Variants in LRP1B observed in about 807,000 individuals in gnomAD.
LRP1B encodes LDL receptor related protein 1B.
LRP1B carries 217 observed loss-of-function variants against 556.6 expected under a neutral mutation model. That is an observed-to-expected ratio of 0.39 (90% CI 0.35 to 0.44). The LOEUF (loss-of-function observed/expected upper bound fraction) is 0.44, where lower values mean the gene tolerates loss of function less well. Ranked by LOEUF, LRP1B falls within the 20% of genes least tolerant of loss-of-function variation. LRP1B has a pLI of 1.00. For synonymous variants in LRP1B, 2,047 were observed against 1,865.8 expected (o/e 1.10, Z -2.50); for missense variants, 5,053 against 5,620.8 (o/e 0.90, Z 3.23).
intron 43 of LRP1B, among the ~76,000 whole-genome samples, chr2:140,550,454 G>A (rs1022273554): frequency 6.6e-6 from 1 of 152,140 alleles, no homozygotes; most frequent in Admixed American, 6.6e-5. Flanking sequence ...AAAGGAAAAT[G>A]TCTACCTTTA....
intron 11 of LRP1B, among the ~76,000 whole-genome samples, chr2:141,021,947 G>A (rs916075935): frequency 6.6e-6 from 1 of 151,704 alleles, no homozygotes; most frequent in Non-Finnish European, 1.5e-5. Flanking sequence ...AATTTATCAG[G>A]ATTAAAAAAT....
At chr2:142,130,501 C>T in intron 1 of LRP1B, 147 bp downstream of exon 1, 2 of 654,934 alleles carry the variant, frequency 3.1e-6, no homozygotes, top group Non-Finnish European at 5.3e-6. Flanking sequence ...ACCTCTCACC[C>T]CCGCACAGGG....
intron 1 of LRP1B, among the ~76,000 whole-genome samples, chr2:141,942,187 C>A (rs1454494786): frequency 6.6e-6 from 1 of 152,008 alleles, no homozygotes; most frequent in Non-Finnish European, 1.5e-5. Context: ...TCTCCTCAAC[C>A]AACCTCCTCA....
chr2:140,882,979 C>G (rs906830839), intron 25 of LRP1B, among the ~76,000 whole-genome samples: 9 of 152,128 alleles, frequency 5.9e-5, no homozygotes, highest in African/African-American at 2.2e-4. Flanking sequence ...TCAAAATCAA[C>G]AGGAATAACA....
At chr2:141,905,819 A>G (rs566932528) in intron 1 of LRP1B, among the ~76,000 whole-genome samples, 1 of 129,806 alleles carries the variant, frequency 7.7e-6, no homozygotes, top group Admixed American at 7.9e-5. Flanking sequence ...AGGTGTGTAT[A>G]AACATCTCTA....
chr2:140,791,551 G>C (rs1314944110), intron 32 of LRP1B, among the ~76,000 whole-genome samples: 5 of 152,162 alleles, frequency 3.3e-5, no homozygotes, highest in African/African-American at 1.2e-4. Context: ...ATGTTATTTT[G>C]TCCTGATAGA....
At chr2:140,644,559 G>A (rs986935752) in intron 41 of LRP1B, among the ~76,000 whole-genome samples, 35 of 151,792 alleles carry the variant, frequency 2.3e-4, no homozygotes, top group African/African-American at 8.2e-4. Context: ...CACCATGCCT[G>A]GCTAATTTTT....
intron 66 of LRP1B, among the ~76,000 whole-genome samples, chr2:140,425,233 T>C (rs181204587): frequency 5.6e-4 from 85 of 152,316 alleles, no homozygotes; most frequent in Admixed American, 9.2e-4. Context: ...TTTAAGACTA[T>C]TGAAATACAT....
intron 3 of LRP1B, among the ~76,000 whole-genome samples, chr2:141,314,384 T>C (rs1686918789): frequency 6.6e-6 from 1 of 152,218 alleles, no homozygotes. Context: ...ACATTTTGTT[T>C]AAGATGTGTA....
chr2:141,735,870 T>C (rs539953042), intron 2 of LRP1B, among the ~76,000 whole-genome samples: 33 of 152,170 alleles, frequency 2.2e-4, no homozygotes, highest in Admixed American at 5.2e-4. Flanking sequence ...AGGAGCTGTT[T>C]GAAAAAAAGG....
At chr2:141,357,724 G>A (rs548954133) in intron 3 of LRP1B, among the ~76,000 whole-genome samples, 1 of 152,096 alleles carries the variant, frequency 6.6e-6, no homozygotes, top group East Asian at 1.9e-4. Context: ...AGCAATAGAG[G>A]GTAAATTAAT....
In LRP1B at chr2:140,576,969, CT is replaced by C. The variant is rs199605340; in HGVS notation, c.7194+21661del. 5.4e-3 allele frequency among the ~76,000 whole-genome samples: 822 copies of C among 151,850 alleles called. 9 individuals carry two copies. Among genetic ancestry groups the C allele is most frequent in the Admixed American group, 8.6e-3 (131 of 15,228 alleles). On this transcript the variant is annotated intron_variant, in intron 43 of 90. Coordinates refer to ENST00000389484, the MANE Select transcript of LRP1B (RefSeq NM_018557.3). ...TTGTTTCTTTTAATTAAACTGATTC[CT>C]TTTTTTTCAATGTAAGAGTTTTGTG...
chr2:141,157,205 A>G (rs1702088608), intron 7 of LRP1B, among the ~76,000 whole-genome samples: 1 of 152,144 alleles, frequency 6.6e-6, no homozygotes, highest in Non-Finnish European at 1.5e-5. Flanking sequence ...ACATAGGAAT[A>G]TAAAAGTTTA....
chr2:141,791,169 G>T (rs754042756), intron 2 of LRP1B, among the ~76,000 whole-genome samples: 1 of 151,824 alleles, frequency 6.6e-6, no homozygotes, highest in Admixed American at 6.6e-5. Flanking sequence ...AAGCAATAAA[G>T]TGTCTTAAAC....
At chr2:141,145,553 G>T (rs1416740538) in intron 7 of LRP1B, among the ~76,000 whole-genome samples, 8 of 145,896 alleles carry the variant, frequency 5.5e-5, no homozygotes, top group Non-Finnish European at 7.5e-5. Flanking sequence ...TTTTTTTAGA[G>T]ACAGAGTTTT....
chr2:141,189,744 C>A (rs1260540350), intron 6 of LRP1B, among the ~76,000 whole-genome samples: 1 of 151,938 alleles, frequency 6.6e-6, no homozygotes, highest in Admixed American at 6.6e-5. Context: ...TTTATCATAT[C>A]TAATTTTAAT....
intron 35 of LRP1B, among the ~76,000 whole-genome samples, chr2:140,743,093 A>G (rs79739985): frequency 0.023 from 3,511 of 152,284 alleles, 55 homozygotes; most frequent in Middle Eastern, 0.051. Context: ...GTATTTGCCA[A>G]AATAACCTTG....
At chr2:140,681,536 A>G (rs1208490071) in intron 41 of LRP1B, among the ~76,000 whole-genome samples, 3 of 152,162 alleles carry the variant, frequency 2.0e-5, no homozygotes, top group Non-Finnish European at 4.4e-5. Context: ...AGCGCTTTTA[A>G]TATTTGTCTT....
At chr2:141,926,799 C>A (rs1700344419) in intron 1 of LRP1B, among the ~76,000 whole-genome samples, 1 of 152,094 alleles carries the variant, frequency 6.6e-6, no homozygotes, top group African/African-American at 2.4e-5. Context: ...GGGGATTGAG[C>A]TATATTAACC....
Sources: allele counts gnomAD v4.1 joint callset (sites outside exome capture counted in the v4.1 genomes callset), GRCh38; gene constraint gnomAD v4.1.1; transcripts MANE v1.5; gene names NCBI Gene and HGNC (gene_info 2026-07-23, HGNC 2026-07-21).